GADL1: variants seen among roughly 807,000 people sequenced by gnomAD.
GADL1 encodes the protein acidic amino acid decarboxylase GADL1.
GADL1 carries 71 observed loss-of-function variants against 69.5 expected under a neutral mutation model. The observed-to-expected ratio is 1.02, with a 90% CI of 0.84 to 1.25. The LOEUF (loss-of-function observed/expected upper bound fraction) is 1.25, where lower values mean the gene tolerates loss of function less well. Among genes scored for constraint, GADL1 ranks in the 50% most tolerant of loss-of-function variants. The pLI, the probability that GADL1 is intolerant of heterozygous loss-of-function variation, is 0.00. For synonymous variants in GADL1, 254 were observed against 214.4 expected (o/e 1.18, Z -1.62); for missense variants, 737 against 631.8 (o/e 1.17, Z -1.79).
chr3:30,847,153 T>C (rs1698073060), intron 6 of GADL1, among the ~76,000 whole-genome samples: 1 of 152,214 alleles, frequency 6.6e-6, no homozygotes, highest in African/African-American at 2.4e-5. Context: ...TTACTTTTAT[T>C]TCTCCAAAAG....
rs569532577 is a variant in GADL1 at position 30,827,653 on chromosome 3, C to T, written c.1050+6200G>A. On this transcript the variant is annotated intron_variant, in intron 11 of 14. Transcript: ENST00000282538. ...AGGTGTTTGTGATTACTGATGAAAT[C>T]GTTTTTTAACGTGATGCACCTACAA... 2.6e-5 allele frequency among the ~76,000 whole-genome samples: 4 copies of T among 151,918 alleles called. 1 individual carries two copies. The South Asian group carries it at 8.3e-4, about 32-fold the overall frequency.
At chr3:30,753,901 A>G (rs1695898685) in intron 14 of GADL1, among the ~76,000 whole-genome samples, 1 of 152,176 alleles carries the variant, frequency 6.6e-6, no homozygotes, top group African/African-American at 2.4e-5. Flanking sequence ...AGGTAACTAG[A>G]CCATTGATGA....
chr3:30,797,418 A>C (rs1198272304), intron 12 of GADL1, among the ~76,000 whole-genome samples: 1 of 152,202 alleles, frequency 6.6e-6, no homozygotes, highest in Non-Finnish European at 1.5e-5. Context: ...AGTAAATAAT[A>C]ACTAAAACTT....
At chr3:30,762,607 T>C (rs972400693) in intron 14 of GADL1, among the ~76,000 whole-genome samples, 6 of 152,178 alleles carry the variant, frequency 3.9e-5, no homozygotes, top group Admixed American at 1.3e-4. Flanking sequence ...AGCATTTATC[T>C]ATTGAGTTGC....
At chr3:30,816,123 A>G (rs1697464649) in intron 11 of GADL1, among the ~76,000 whole-genome samples, 1 of 152,248 alleles carries the variant, frequency 6.6e-6, no homozygotes, top group Non-Finnish European at 1.5e-5. Flanking sequence ...GGGAGCCTCT[A>G]TTTCAGTATA....
chr3:30,750,835 A>ATT (rs57310733), intron 14 of GADL1, among the ~76,000 whole-genome samples: 2 of 151,934 alleles, frequency 1.3e-5, no homozygotes, highest in South Asian at 2.1e-4. Flanking sequence ...GCCTTAGCTC[A>ATT]TTTTTTTATT....
chr3:30,755,747 G>A (rs1030373153), intron 14 of GADL1, among the ~76,000 whole-genome samples: 1 of 152,116 alleles, frequency 6.6e-6, no homozygotes, highest in African/African-American at 2.4e-5. Context: ...ATTGTTAAAC[G>A]AATGAATGAA....
chr3:30,743,872 T>C (rs763010346), intron 14 of GADL1, among the ~76,000 whole-genome samples: 2 of 151,972 alleles, frequency 1.3e-5, no homozygotes, highest in Non-Finnish European at 2.9e-5. Flanking sequence ...ACTCTAAGAG[T>C]CATTGTGTGT....
intron 4 of GADL1, among the ~76,000 whole-genome samples, chr3:30,851,990 C>A (rs568905180): frequency 6.6e-6 from 1 of 152,226 alleles, no homozygotes; most frequent in African/African-American, 2.4e-5. Context: ...CTATGATCTC[C>A]TTTTCAATTG....
At chr3:30,776,344 A>G (rs1696535946) in intron 14 of GADL1, among the ~76,000 whole-genome samples, 1 of 152,212 alleles carries the variant, frequency 6.6e-6, no homozygotes, top group South Asian at 2.1e-4. Context: ...GCCACATCCC[A>G]TCATAGTGAA....
chr3:30,891,285 C>T (rs1334095834), intron 1 of GADL1, among the ~76,000 whole-genome samples: 3 of 152,088 alleles, frequency 2.0e-5, no homozygotes, highest in Non-Finnish European at 4.4e-5. Flanking sequence ...ATATACATGC[C>T]CCTGAGAGAG....
At chr3:30,835,102 T>G (rs1357231514) in intron 9 of GADL1, among the ~76,000 whole-genome samples, 7 of 152,132 alleles carry the variant, frequency 4.6e-5, no homozygotes, top group East Asian at 3.9e-4. Context: ...AATGGAGTTA[T>G]GATCACTTCC....
chr3:30,846,914 A>G (rs1029214758), intron 6 of GADL1, among the ~76,000 whole-genome samples: 14 of 152,174 alleles, frequency 9.2e-5, no homozygotes, highest in Non-Finnish European at 1.3e-4. Flanking sequence ...CACACCCTAC[A>G]TAACTCACTT....
chr3:30,863,244 C>T (rs77871657), intron 1 of GADL1, among the ~76,000 whole-genome samples: 2,870 of 152,016 alleles, frequency 0.019, 31 homozygotes, highest in Non-Finnish European at 0.03. Flanking sequence ...TCCCTGAGAG[C>T]CCCTAATTTT....
chr3:30,748,674 T>A (rs1695750489), intron 14 of GADL1, among the ~76,000 whole-genome samples: 1 of 152,208 alleles, frequency 6.6e-6, no homozygotes, highest in Non-Finnish European at 1.5e-5. Context: ...AGAAAATCGG[T>A]ACCAACAGCA....
intron 14 of GADL1, among the ~76,000 whole-genome samples, chr3:30,754,288 G>A (rs757515833): frequency 6.6e-6 from 1 of 152,154 alleles, no homozygotes; most frequent in Non-Finnish European, 1.5e-5. Flanking sequence ...CCACATGCAA[G>A]CCTTTTGTGG....
At chr3:30,756,210 G>A (rs529140783) in intron 14 of GADL1, among the ~76,000 whole-genome samples, 1 of 152,280 alleles carries the variant, frequency 6.6e-6, no homozygotes, top group African/African-American at 2.4e-5. Context: ...CCATGACAAT[G>A]AACATGGAGC....
At chr3:30,855,285 C>T (rs942123140) in intron 3 of GADL1, among the ~76,000 whole-genome samples, 1 of 152,022 alleles carries the variant, frequency 6.6e-6, no homozygotes, top group African/African-American at 2.4e-5. Flanking sequence ...TTACTTGCTC[C>T]TCTTTTTTAC....
intron 13 of GADL1, among the ~76,000 whole-genome samples, chr3:30,784,264 G>T (rs940137198): frequency 1.3e-5 from 2 of 152,112 alleles, no homozygotes; most frequent in East Asian, 1.9e-4. Flanking sequence ...CAGTTGGCTT[G>T]TTCAAACTGG....
Sources: gnomAD v4.1 joint callset for allele counts (sites outside exome capture counted in the v4.1 genomes callset) on GRCh38, gnomAD v4.1.1 for gene constraint, MANE v1.5 for transcripts, NCBI Gene and HGNC (gene_info 2026-07-23, HGNC 2026-07-21) for gene names.